Variants in LAMB4 observed in about 807,000 individuals in gnomAD.
LAMB4 encodes the protein laminin subunit beta 4.
Under a neutral mutation model 199.2 loss-of-function variants are expected in LAMB4, and 196 were observed. That is an observed-to-expected ratio of 0.98 (90% CI 0.88 to 1.11). The LOEUF (loss-of-function observed/expected upper bound fraction) is 1.11. Ranked by LOEUF, LAMB4 falls within the 50% of genes least tolerant of loss-of-function variation. The pLI is 0.00. For missense variants in LAMB4, 2,080 were observed against 2,171.2 expected (o/e 0.96, Z 0.83); for synonymous variants, 744 against 770.6 (o/e 0.97, Z 0.57).
At chr7:108,090,731 T>G (rs1388580322) in intron 14 of LAMB4, among the ~76,000 whole-genome samples, 1 of 152,214 alleles carries the variant, frequency 6.6e-6, no homozygotes, top group Non-Finnish European at 1.5e-5. Context: ...ATACTCATAC[T>G]TCTTTCTAAA....
At chr7:108,048,225 C>G in intron 27 of LAMB4, 114 bp from the exon 28 acceptor site, 7 of 833,194 alleles carry the variant, frequency 8.4e-6, no homozygotes, top group Non-Finnish European at 1.3e-5. Context: ...AGAGCAATAG[C>G]GTGACCTTGG....
chr7:108,113,392 G>C (rs2038298994), intron 3 of LAMB4, among the ~76,000 whole-genome samples: 1 of 152,182 alleles, frequency 6.6e-6, no homozygotes, highest in Admixed American at 6.5e-5. Context: ...TGATTTTAAT[G>C]ATTATTTCAG....
At chr7:108,118,384 A>G (rs2038482625) in intron 2 of LAMB4, among the ~76,000 whole-genome samples, 1 of 152,144 alleles carries the variant, frequency 6.6e-6, no homozygotes, top group South Asian at 2.1e-4. Flanking sequence ...AAGGCTTACT[A>G]TATAGCTATA....
intron 1 of LAMB4, among the ~76,000 whole-genome samples, chr7:108,127,220 G>A (rs2038826718): frequency 2.3e-5 from 3 of 132,598 alleles, no homozygotes; most frequent in Admixed American, 7.9e-5. Flanking sequence ...CCTGCTTCCC[G>A]GGTCACATTC....
At chr7:108,073,372 A>G (rs184297701) in intron 17 of LAMB4, among the ~76,000 whole-genome samples, 17 of 152,364 alleles carry the variant, frequency 1.1e-4, no homozygotes, top group Admixed American at 9.1e-4. Context: ...CTTTATGTTT[A>G]CCAAGTATAT....
At chr7:108,049,269 G>A (rs964686860) in intron 27 of LAMB4, 57 bp downstream of exon 27, 1 of 806,114 alleles carries the variant, frequency 1.2e-6, no homozygotes, top group Non-Finnish European at 2.1e-6. Flanking sequence ...CATTGAAGAG[G>A]TTCATATACC....
At chr7:108,075,048 T>G (rs1317227322) in intron 17 of LAMB4, among the ~76,000 whole-genome samples, 1 of 152,208 alleles carries the variant, frequency 6.6e-6, no homozygotes, top group Non-Finnish European at 1.5e-5. Flanking sequence ...TTTCTTCCAT[T>G]CTCTTTAATT....
intron 32 of LAMB4, 54 bp from the exon 33 acceptor site, chr7:108,029,250 T>G: frequency 6.7e-7 from 1 of 1,486,220 alleles, no homozygotes; most frequent in Non-Finnish European, 9.2e-7. Context: ...CATGTACATA[T>G]ATGCATGATG....
chr7:108,040,143 A>G (rs1214352854), intron 29 of LAMB4, among the ~76,000 whole-genome samples: 1 of 152,192 alleles, frequency 6.6e-6, no homozygotes, highest in Non-Finnish European at 1.5e-5. Flanking sequence ...CAAGCCAGGA[A>G]GGCAATCTCA....
chr7:108,110,257 G>C (rs146698263), intron 4 of LAMB4, among the ~76,000 whole-genome samples: 2,315 of 152,238 alleles, frequency 0.015, 57 homozygotes, highest in African/African-American at 0.052. Context: ...TCAAACTCCT[G>C]AGCTCAAGTG....
At chr7:108,045,926 T>G (rs1443928918) in intron 28 of LAMB4, among the ~76,000 whole-genome samples, 1 of 151,552 alleles carries the variant, frequency 6.6e-6, no homozygotes, top group East Asian at 1.9e-4. Context: ...ATATAGGGGG[T>G]GTGTGTGTGT....
Position 108,052,103 on chromosome 7 carries a change from T to G in LAMB4, c.3910A>C (p.Ile1304Leu), listed in dbSNP as rs778886036. 3.7e-6 allele frequency: 6 copies of G among 1,603,976 alleles called. No homozygotes were observed. Among genetic ancestry groups the G allele is most frequent in the Non-Finnish European group, 5.1e-6 (6 of 1,175,220 alleles). The change falls in exon 26 of 34, where the codon ATT becomes CTT. Residue 1304 changes from isoleucine (I) to leucine (L), a missense_variant. Coordinates refer to ENST00000388781, the MANE Select transcript of LAMB4 (RefSeq NM_007356.3). Reference protein sequence around the residue: ...DLQSSVLNASIADSSENIKKY... With the variant: ...DLQSSVLNASLADSSENIKKY... The stretch of plus-strand genomic sequence containing the variant: ...AAATACATTTTTCCCTTACCCGCAA[T>G]GCTTGCATTAAGGACACTGGATTGC...
downstream of LAMB4, among the ~76,000 whole-genome samples, chr7:108,020,168 A>G (rs938576422): frequency 6.6e-6 from 1 of 151,956 alleles, no homozygotes; most frequent in Non-Finnish European, 1.5e-5. Flanking sequence ...TGTTGGGGAG[A>G]TGTCATTTTC....
At chr7:108,069,110 T>C (rs1015011314) in intron 18 of LAMB4, among the ~76,000 whole-genome samples, 1 of 152,238 alleles carries the variant, frequency 6.6e-6, no homozygotes. Flanking sequence ...TCGGCTGTCA[T>C]TGTAGCTGTC....
intron 14 of LAMB4, among the ~76,000 whole-genome samples, chr7:108,083,115 T>C (rs1316536836): frequency 6.6e-6 from 1 of 152,228 alleles, no homozygotes; most frequent in African/African-American, 2.4e-5. Flanking sequence ...TTCTACATTG[T>C]CTGCAAATGT....
intron 4 of LAMB4, among the ~76,000 whole-genome samples, chr7:108,111,261 C>A: frequency 6.6e-6 from 1 of 152,286 alleles, no homozygotes; most frequent in Admixed American, 6.5e-5. Context: ...ATGGTCAGCG[C>A]CAATGTAGGC....
At chr7:108,032,654 C>T (rs569396100) in intron 31 of LAMB4, among the ~76,000 whole-genome samples, 5 of 152,078 alleles carry the variant, frequency 3.3e-5, no homozygotes. Flanking sequence ...ATGTTACTCC[C>T]CAACCCAGGG....
intron 23 of LAMB4, 138 bp from the exon 24 acceptor site, chr7:108,058,066 C>G (rs2036043583): frequency 3.1e-6 from 2 of 648,644 alleles, no homozygotes. Context: ...ATTCCCATGT[C>G]CAGCAGCCAC....
At chr7:108,053,710 C>T (rs1416581136) in intron 25 of LAMB4, among the ~76,000 whole-genome samples, 1 of 152,210 alleles carries the variant, frequency 6.6e-6, no homozygotes, top group Non-Finnish European at 1.5e-5. Context: ...CTCTTTCTCT[C>T]TGGCTCTGCC....
Sources: allele counts gnomAD v4.1 joint callset (sites outside exome capture counted in the v4.1 genomes callset), GRCh38; gene constraint gnomAD v4.1.1; transcripts MANE v1.5; gene names NCBI Gene and HGNC (gene_info 2026-07-23, HGNC 2026-07-21).